The following CNGB1 variants were observed in gnomAD, a reference collection of about 807,000 sequenced individuals.
CNGB1 encodes the protein cyclic nucleotide-gated channel beta-1.
Under a neutral mutation model 151.7 loss-of-function variants are expected in CNGB1, and 126 were observed. The ratio of observed to expected loss-of-function variants is 0.83; its 90% CI spans 0.72 to 0.96. CNGB1 has a LOEUF of 0.96. Ranked by LOEUF, CNGB1 falls within the 40% of genes least tolerant of loss-of-function variation. The probability of loss-of-function intolerance (pLI) is 0.00; values close to 1 mark genes in which losing one functional copy is unlikely to be tolerated. For missense variants in CNGB1, 1,698 were observed against 1,627.0 expected, an observed-to-expected ratio of 1.04 and a Z score of -0.75; for synonymous variants, 623 against 635.1, an observed-to-expected ratio of 0.98 and a Z score of 0.29.
chr16:57,897,125 C>A (rs897723397), intron 31 of CNGB1, among the ~76,000 whole-genome samples: 1 of 151,886 alleles, frequency 6.6e-6, no homozygotes, highest in South Asian at 2.1e-4. Flanking sequence ...CATAGTGAGA[C>A]CCCAGCTCTA....
At chr16:57,970,637 G>T (rs1157738707) in intron 1 of CNGB1, among the ~76,000 whole-genome samples, 1 of 152,124 alleles carries the variant, frequency 6.6e-6, no homozygotes, top group African/African-American at 2.4e-5. Flanking sequence ...GACTAAGGAA[G>T]CCTCCCCGAT....
At chr16:57,885,737 G>A (rs1283808345) in intron 32 of CNGB1, among the ~76,000 whole-genome samples, 1 of 152,030 alleles carries the variant, frequency 6.6e-6, no homozygotes, top group Non-Finnish European at 1.5e-5. Flanking sequence ...GGGATTACAG[G>A]TGTGTGCCAT....
At chr16:57,897,707 C>T (rs1291250841) in intron 30 of CNGB1, 89 bp downstream of exon 30, 80 of 1,535,648 alleles carry the variant, frequency 5.2e-5, no homozygotes, top group Admixed American at 1.8e-4. Context: ...GCTGCATCTA[C>T]CAAGCCGTAG....
At chr16:57,928,902 G>T (rs1221814301) in intron 17 of CNGB1, among the ~76,000 whole-genome samples, 1 of 152,110 alleles carries the variant, frequency 6.6e-6, no homozygotes, top group Middle Eastern at 3.2e-3. Flanking sequence ...GCCTCCCAAA[G>T]TGCTGGGATT....
At position 57,955,117 on chromosome 16, in the gene CNGB1, G is replaced by T. The variant is rs1041961914; in HGVS notation, c.874+2224C>A. On this transcript the variant is annotated intron_variant, in intron 12 of 32. Transcript: ENST00000251102. ...AGCCTAAATCTTGCAGGCTGCCCAT[G>T]GCTGGCCTTCCCCTTGTTCTGGTCT... 9.8e-6 allele frequency: 14 copies of T among 1,426,306 alleles called. No individual in the cohort carries two copies. The African/African-American group carries it at 1.3e-4, about 13-fold the overall frequency. 88.4% of individuals were successfully genotyped at this position (1,426,306 alleles called of 1,614,324 possible).
chr16:57,901,391 G>A lies in CNGB1; in HGVS notation c.2937C>T (p.Arg979=), dbSNP rs760775189. The stretch of plus-strand genomic sequence containing the variant: ...AGTCGTTGGGCAGGTAGACAACAGA[G>A]CGAAGCCTCTTCAGCATGTCAAAGA... ...QMIFDMLKRL[R]SVVYLPNDYV... Residue 979 remains arginine (R), a synonymous_variant, in exon 29 of 33, where the codon CGC becomes CGT. Transcript: ENST00000251102. 6.8e-6 allele frequency: 11 copies of A among 1,614,060 alleles called. No individual in the cohort carries two copies. The East Asian group carries it at 2.2e-4, about 33-fold the overall frequency.
chr16:57,898,654 GATCTGCCTGCCTTAGCCTC>G (rs1960299872), intron 29 of CNGB1, among the ~76,000 whole-genome samples: 1 of 152,194 alleles, frequency 6.6e-6, no homozygotes, highest in Admixed American at 6.5e-5. Context: ...GGCCTCAAGT[GATCTGCCTGCCTTAGCCTC>G]CCAAAGTGCT....
At chr16:57,951,884 G>A (rs1347115875) in intron 12 of CNGB1, among the ~76,000 whole-genome samples, 2 of 152,198 alleles carry the variant, frequency 1.3e-5, no homozygotes, top group African/African-American at 2.4e-5. Context: ...TCACAGATGA[G>A]GTGCTGCCTG....
rs886548518 is a variant in CNGB1 at position 57,882,669 on chromosome 16, G to A, written c.*1495C>T. 2.0e-5 allele frequency: 3 copies of A among 151,988 alleles called. No individual in the cohort carries two copies. Among genetic ancestry groups the A allele is most frequent in the African/African-American group, 4.8e-5 (2 of 41,400 alleles). 9.4% of individuals were successfully genotyped at this position (151,988 alleles called of 1,614,324 possible). ...TCACTGTTGCAGGTGGAAACAAATG[G>A]CCTAATACTAGAATACTAGATTTTG... On this transcript the variant is annotated 3_prime_UTR_variant, in exon 33 of 33. Coordinates refer to ENST00000251102, the MANE Select transcript of CNGB1 (RefSeq NM_001297.5).
chr16:57,957,912 C>G (rs865782194), intron 11 of CNGB1, among the ~76,000 whole-genome samples: 1 of 152,060 alleles, frequency 6.6e-6, no homozygotes, highest in Non-Finnish European at 1.5e-5. Flanking sequence ...TAAAGACGTC[C>G]AATTGCACCC....
At position 57,913,566 on chromosome 16, in the gene CNGB1, G is replaced by A. The variant is rs573704953; in HGVS notation, c.2305-572C>T. Reference sequence around the variant, plus strand: ...TACAGTCATAGATAACCACAGCCTCGAACTTCTGGGCTCAAGCGATTTTTC... The same window carrying A: ...TACAGTCATAGATAACCACAGCCTCAAACTTCTGGGCTCAAGCGATTTTTC... On this transcript the variant is annotated intron_variant, in intron 23 of 32. Transcript: ENST00000251102. Among the ~76,000 whole-genome samples the A allele has an allele frequency of 2.6e-5, 4 of 152,036 alleles. No individual in the cohort carries two copies. In the East Asian group the frequency reaches 7.7e-4, roughly 29 times the overall value.
At chr16:57,911,614 A>G in intron 25 of CNGB1, 139 bp downstream of exon 25, 2 of 1,208,292 alleles carry the variant, frequency 1.7e-6, no homozygotes, top group Non-Finnish European at 2.4e-6. Flanking sequence ...GAGCCTTGTC[A>G]TGCCAGTGAT....
At position 57,916,177 on chromosome 16, in the gene CNGB1, C is replaced by T. The variant is rs775308719; in HGVS notation, c.2169G>A (p.Thr723=). The change falls in exon 22 of 33, where the codon ACG becomes ACA. Residue 723 remains threonine (T), a splice_region_variant and synonymous_variant. Transcript: ENST00000251102. ...LQFVRGGDII[T]DKKDMRNNYL... ...AGTTATTTCGCATGTCCTTTTTGTCCGTCTGAAAGAAAGGGAATGATGATG... is the reference window on the plus strand; with the variant it reads ...AGTTATTTCGCATGTCCTTTTTGTCTGTCTGAAAGAAAGGGAATGATGATG... The T allele has an allele frequency of 1.4e-5, 23 of 1,613,364 alleles. No individual in the cohort carries two copies. Among genetic ancestry groups the T allele is most frequent in the East Asian group, 8.9e-5 (4 of 44,870 alleles).
At chr16:57,917,970 C>T (rs1157585178) in intron 20 of CNGB1, among the ~76,000 whole-genome samples, 1 of 151,560 alleles carries the variant, frequency 6.6e-6, no homozygotes, top group African/African-American at 2.4e-5. Flanking sequence ...GTATTTTCTT[C>T]CTCAGTAAAT....
Position 57,920,408 on chromosome 16 carries a change from C to G in CNGB1, c.1780G>C (p.Asp594His). 6.2e-7 allele frequency: 1 copy of G among 1,614,194 alleles called. No individual in the cohort carries two copies. Among genetic ancestry groups the G allele is most frequent in the Non-Finnish European group, 8.5e-7 (1 of 1,180,042 alleles). The change falls in exon 19 of 33, where the codon GAT (aspartate) becomes CAT (histidine). Residue 594 changes from aspartate to histidine, a missense_variant. Transcript: ENST00000251102. ...TCACAGGGCTTGGGGCTCTCCTCAT[C>G]AGAGGTGACGTCAGGGTCAATGAGT... is the stretch of plus-strand genomic sequence containing the variant. ...EKLIDPDVTS[D>H]EESPKPSPAK...
intron 25 of CNGB1, among the ~76,000 whole-genome samples, chr16:57,906,479 T>C (rs1960554738): frequency 6.6e-6 from 1 of 152,144 alleles, no homozygotes; most frequent in East Asian, 1.9e-4. Context: ...CAGAGGTTGC[T>C]GGGGAGTGTG....
chr16:57,919,702 A>T (rs1960974061), intron 19 of CNGB1, among the ~76,000 whole-genome samples: 1 of 152,180 alleles, frequency 6.6e-6, no homozygotes, highest in South Asian at 2.1e-4. Context: ...TCTGAGAGGG[A>T]ATCTCAACTC....
At chr16:57,969,683 T>C (rs77256804) in intron 1 of CNGB1, among the ~76,000 whole-genome samples, 1 of 152,240 alleles carries the variant, frequency 6.6e-6, no homozygotes, top group South Asian at 2.1e-4. Flanking sequence ...CAGGTAAGAC[T>C]TTTTTCATGA....
chr16:57,897,874 T>C lies in CNGB1; in HGVS notation c.3017A>G (p.Gln1006Arg). The C allele has an allele frequency of 6.2e-7, 1 of 1,614,196 alleles. No homozygotes were observed. Among genetic ancestry groups the C allele is most frequent in the Non-Finnish European group, 8.5e-7 (1 of 1,180,026 alleles). The change falls in exon 30 of 33, where the codon CAA becomes CGA. Residue 1006 changes from glutamine (Q) to arginine (R), a missense_variant. Transcript: ENST00000251102. ...GREMYIIQAG[Q>R]VQVLGGPDGK... ...ATCAGGGCCGCCCAAGACCTGCACT[T>C]GCCCTGCCTGGATGATGTACATCTC...
Sources: gnomAD v4.1 joint callset for allele counts (sites outside exome capture counted in the v4.1 genomes callset) on GRCh38, gnomAD v4.1.1 for gene constraint, MANE v1.5 for transcripts, NCBI Gene and HGNC (gene_info 2026-07-23, HGNC 2026-07-21) for gene names.